Variants in RAB27B observed in about 807,000 individuals in gnomAD.
RAB27B encodes ras-related protein Rab-27B.
Under a neutral mutation model 24.6 loss-of-function variants are expected in RAB27B, and 15 were observed. That is an observed-to-expected ratio of 0.61 (90% CI 0.41 to 0.94). RAB27B has a LOEUF of 0.94. Ranked by LOEUF, RAB27B falls within the 40% of genes least tolerant of loss-of-function variation. The pLI, the probability that RAB27B is intolerant of heterozygous loss-of-function variation, is 0.00. For synonymous variants in RAB27B, 105 were observed against 92.5 expected, an observed-to-expected ratio of 1.14 and a Z score of -0.78; for missense variants, 261 against 266.8, an observed-to-expected ratio of 0.98 and a Z score of 0.15.
intron 2 of RAB27B, among the ~76,000 whole-genome samples, chr18:54,815,863 A>T (rs2145156906): frequency 6.6e-6 from 1 of 152,222 alleles, no homozygotes; most frequent in South Asian, 2.1e-4. Flanking sequence ...ACCTCAAGTG[A>T]TCCACCCACC....
intron 2 of RAB27B, among the ~76,000 whole-genome samples, chr18:54,810,884 G>A (rs1243457834): frequency 2.1e-5 from 3 of 145,002 alleles, no homozygotes; most frequent in Non-Finnish European, 3.0e-5. Context: ...AAATAAATAA[G>A]AAAACCTCTG....
intron 2 of RAB27B, among the ~76,000 whole-genome samples, chr18:54,766,486 T>A (rs1024447486): frequency 1.3e-5 from 2 of 152,138 alleles, no homozygotes; most frequent in African/African-American, 2.4e-5. Flanking sequence ...TGTTTTTTTT[T>A]AAGTTTTTTT....
chr18:54,832,760 G>A (rs1430407287), intron 1 of RAB27B, among the ~76,000 whole-genome samples: 1 of 152,072 alleles, frequency 6.6e-6, no homozygotes, highest in African/African-American at 2.4e-5. Context: ...TGAAGGGTGT[G>A]GTCAATGGTG....
chr18:54,797,481 A>G (rs1298795264), intron 2 of RAB27B, among the ~76,000 whole-genome samples: 1 of 152,174 alleles, frequency 6.6e-6, no homozygotes, highest in Non-Finnish European at 1.5e-5. Flanking sequence ...GCACCACTGC[A>G]CTCCAATTTG....
intron 2 of RAB27B, among the ~76,000 whole-genome samples, chr18:54,722,367 A>G (rs554933519): frequency 1.3e-5 from 2 of 152,254 alleles, no homozygotes; most frequent in African/African-American, 4.8e-5. Context: ...ATTTCCCCAG[A>G]AACCACCAAC....
intron 1 of RAB27B, among the ~76,000 whole-genome samples, chr18:54,858,360 C>A (rs1256896797): frequency 2.0e-5 from 3 of 150,352 alleles, no homozygotes; most frequent in Admixed American, 2.0e-4. Context: ...ATGGGCTCAG[C>A]TTCCAGCAGG....
At chr18:54,861,706 C>G (rs1227261687) in intron 1 of RAB27B, among the ~76,000 whole-genome samples, 3 of 152,148 alleles carry the variant, frequency 2.0e-5, no homozygotes, top group Non-Finnish European at 4.4e-5. Context: ...AAAAGGTACA[C>G]ATGCTTTTGT....
At chr18:54,834,603 GATAA>G (rs1251632026) in intron 1 of RAB27B, among the ~76,000 whole-genome samples, 4 of 152,076 alleles carry the variant, frequency 2.6e-5, no homozygotes, top group East Asian at 1.9e-4. Flanking sequence ...GGTAGAGATA[GATAA>G]ATAGATAGAT....
At position 54,893,799 on chromosome 18, in the gene RAB27B, A is replaced by G. The variant is rs1477439597; in HGVS notation, c.*4386A>G. ...ATGCCAGAACTATAAAGATAATTAG[A>G]GTTAAAAGTTGTTTAAATTGTGCCC... On this transcript the variant is annotated 3_prime_UTR_variant, in exon 6 of 6. Coordinates refer to ENST00000262094, the MANE Select transcript of RAB27B (RefSeq NM_004163.4). The G allele has an allele frequency of 6.6e-6, 1 of 151,994 alleles. No homozygotes were observed. The highest frequency in any genetic ancestry group is 2.4e-5 in the African/African-American group (1 of 41,436). 9.4% of individuals were successfully genotyped at this position (151,994 alleles called of 1,614,324 possible). A position where few individuals can be genotyped will look rare whatever the true frequency, so the allele number is the denominator to read the frequency against.
At chr18:54,815,663 T>C (rs142362232) in intron 2 of RAB27B, among the ~76,000 whole-genome samples, 5,729 of 152,294 alleles carry the variant, frequency 0.038, 155 homozygotes, top group Middle Eastern at 0.065. Flanking sequence ...TCTTTAATAA[T>C]TTGCTATTAA....
At chr18:54,853,298 G>A (rs897381531) in intron 1 of RAB27B, among the ~76,000 whole-genome samples, 1 of 152,146 alleles carries the variant, frequency 6.6e-6, no homozygotes, top group Non-Finnish European at 1.5e-5. Flanking sequence ...TCATCTAGAA[G>A]CACCTTTAGA....
chr18:54,840,769 C>T (rs1028828770), intron 1 of RAB27B, among the ~76,000 whole-genome samples: 10 of 152,136 alleles, frequency 6.6e-5, no homozygotes, highest in African/African-American at 2.2e-4. Context: ...ATTTGAGGCT[C>T]ATTCACCAAT....
chr18:54,816,617 C>A (rs570266089), intron 2 of RAB27B, among the ~76,000 whole-genome samples: 5 of 152,120 alleles, frequency 3.3e-5, no homozygotes, highest in South Asian at 2.1e-4. Flanking sequence ...AAAAACACTT[C>A]CAGTTAGTTG....
chr18:54,843,168 G>A (rs1046186858), intron 1 of RAB27B, among the ~76,000 whole-genome samples: 1 of 152,122 alleles, frequency 6.6e-6, no homozygotes, highest in Non-Finnish European at 1.5e-5. Context: ...AAATTCATTT[G>A]TACCATTGTC....
At chr18:54,723,122 T>C (rs765332571) in intron 2 of RAB27B, among the ~76,000 whole-genome samples, 20 of 152,200 alleles carry the variant, frequency 1.3e-4, no homozygotes, top group Non-Finnish European at 2.1e-4. Context: ...AATTGACATG[T>C]TCAGGCTAAA....
At chr18:54,779,134 G>A (rs546110587) in intron 2 of RAB27B, among the ~76,000 whole-genome samples, 30 of 152,126 alleles carry the variant, frequency 2.0e-4, no homozygotes, top group Admixed American at 7.2e-4. Context: ...CACCGTACCT[G>A]GCGCAGTTAA....
chr18:54,838,793 AT>A (rs1016498776), intron 1 of RAB27B, among the ~76,000 whole-genome samples: 1 of 151,902 alleles, frequency 6.6e-6, no homozygotes, highest in Non-Finnish European at 1.5e-5. Flanking sequence ...GTGGTCTTTA[AT>A]TTTTTTTCTT....
In RAB27B at chr18:54,895,350, A is replaced by G. The variant is rs1913526997; in HGVS notation, c.*5937A>G. 6.6e-6 allele frequency: 1 copy of G among 152,068 alleles called. No individual in the cohort carries two copies. Among genetic ancestry groups the G allele is most frequent in the Admixed American group, 6.6e-5 (1 of 15,230 alleles). 9.4% of individuals were successfully genotyped at this position (152,068 alleles called of 1,614,324 possible). On this transcript the variant is annotated 3_prime_UTR_variant, in exon 6 of 6. Transcript: ENST00000262094. ...GCCCCTTAATAGACTGTGGTTCCTG[A>G]CGCACACTGTTAGGTCATTATTTTG... is the stretch of plus-strand genomic sequence containing the variant.
At chr18:54,738,444 G>GT (rs947162456) in intron 2 of RAB27B, among the ~76,000 whole-genome samples, 1 of 152,066 alleles carries the variant, frequency 6.6e-6, no homozygotes, top group Non-Finnish European at 1.5e-5. Flanking sequence ...AGATCTGATG[G>GT]TTTTTTAAGT....
Sources: gnomAD v4.1 joint callset for allele counts (sites outside exome capture counted in the v4.1 genomes callset) on GRCh38, gnomAD v4.1.1 for gene constraint, MANE v1.5 for transcripts, NCBI Gene and HGNC (gene_info 2026-07-23, HGNC 2026-07-21) for gene names.